The following ELL2 variants were observed in gnomAD, a reference collection of about 807,000 sequenced individuals.
ELL2 encodes the protein RNA polymerase II elongation factor ELL2.
ELL2 carries 21 observed loss-of-function variants against 72.8 expected under a neutral mutation model. That is an observed-to-expected ratio of 0.29 (90% CI 0.20 to 0.42). ELL2 has a LOEUF of 0.42. Ranked by LOEUF, ELL2 falls within the 10% of genes least tolerant of loss-of-function variation. ELL2 has a pLI of 1.00. For synonymous variants in ELL2, 266 were observed against 283.2 expected (o/e 0.94, Z 0.61); for missense variants, 568 against 772.8 (o/e 0.73, Z 3.14).
chr5:95,939,350 C>T (rs992389716), intron 2 of ELL2, among the ~76,000 whole-genome samples: 5 of 135,924 alleles, frequency 3.7e-5, no homozygotes, highest in Admixed American at 3.5e-4. Flanking sequence ...GAGGGTGGAG[C>T]CCATGCCATG....
chr5:95,953,972 A>T (rs900519573), intron 1 of ELL2, among the ~76,000 whole-genome samples: 2 of 152,226 alleles, frequency 1.3e-5, no homozygotes, highest in African/African-American at 4.8e-5. Context: ...TATAGACGTT[A>T]TTCAATAAAG....
At position 95,920,148 on chromosome 5, in the gene ELL2, C is replaced by T. The variant is rs142958979; in HGVS notation, c.196-603G>A. ...ATGCCATTATACATCCTCATGTTTA[C>T]AGAAACAGGGTCTGCAGCCTACAGA... On this transcript the variant is annotated intron_variant, in intron 2 of 11. Transcript: ENST00000237853. Among the ~76,000 whole-genome samples, 9 of 152,220 alleles carry T rather than the reference C, an allele frequency of 5.9e-5. 1 individual carries two copies. Among genetic ancestry groups the T allele is most frequent in the African/African-American group, 1.4e-4 (6 of 41,556 alleles).
intron 4 of ELL2, among the ~76,000 whole-genome samples, chr5:95,909,029 T>C (rs1421278703): frequency 2.0e-5 from 3 of 152,198 alleles, no homozygotes; most frequent in African/African-American, 7.2e-5. Context: ...CCCTACCTCC[T>C]CTGTACCTCT....
At chr5:95,944,523 C>T (rs1561512422) in intron 1 of ELL2, among the ~76,000 whole-genome samples, 1 of 152,164 alleles carries the variant, frequency 6.6e-6, no homozygotes, top group African/African-American at 2.4e-5. Context: ...AATTCATGGT[C>T]TTTTATGAAA....
intron 4 of ELL2, among the ~76,000 whole-genome samples, chr5:95,909,023 A>G (rs954579496): frequency 2.6e-5 from 4 of 152,118 alleles, no homozygotes; most frequent in Non-Finnish European, 5.9e-5. Flanking sequence ...CAGGTGCCCT[A>G]CCTCCTCTGT....
chr5:95,960,331 C>T (rs1751778481), intron 1 of ELL2, among the ~76,000 whole-genome samples: 1 of 151,922 alleles, frequency 6.6e-6, no homozygotes, highest in Non-Finnish European at 1.5e-5. Context: ...CGCGATGTAT[C>T]CACTCCGGTC....
rs1481292425 is a variant in ELL2, at chr5:95,887,116, G to A, written c.*1755C>T. On this transcript the variant is annotated 3_prime_UTR_variant, in exon 12 of 12. Transcript: ENST00000237853. The stretch of plus-strand genomic sequence containing the variant: ...TCTGAGGTAAAAAAAGAGCACCAGG[G>A]ATCTCAATGCTAAAAGAAACAGAAT... The A allele has an allele frequency of 6.6e-6, 1 of 152,076 alleles. No homozygotes were observed. Among genetic ancestry groups the A allele is most frequent in the Admixed American group, 6.6e-5 (1 of 15,252 alleles). The allele number at this position is 152,076 out of a possible 1,614,324, so 9.4% of individuals were successfully genotyped here.
intron 4 of ELL2, among the ~76,000 whole-genome samples, chr5:95,912,696 G>A (rs527441303): frequency 4.6e-5 from 7 of 152,282 alleles, no homozygotes; most frequent in African/African-American, 1.7e-4. Flanking sequence ...CTGGGGAGGG[G>A]ATGAATTGTT....
At chr5:95,889,252 C>T in intron 10 of ELL2, 122 bp from the exon 11 acceptor site, 2 of 807,702 alleles carry the variant, frequency 2.5e-6, no homozygotes, top group South Asian at 3.6e-5. Context: ...TAACTTGAAA[C>T]AATCTTTATG....
rs1244847847 is a variant in ELL2 at position 95,895,661 on chromosome 5, T to C, written c.1556A>G (p.Glu519Gly). ...ATCTGGGAGTTCAATTGCTGAAGGTTCCATGGAGGCAGTGCAATCCTCTTT... is the reference window on the plus strand; with the variant it reads ...ATCTGGGAGTTCAATTGCTGAAGGTCCCATGGAGGCAGTGCAATCCTCTTT... ...GVKEDCTASM[E>G]PSAIELPDYL... The change falls in exon 9 of 12, where the codon GAA becomes GGA. Residue 519 changes from glutamate to glycine, a missense_variant. Physicochemically the swap from Glu to Gly is moderately conservative, Grantham distance 98. Coordinates refer to ENST00000237853, the MANE Select transcript of ELL2 (RefSeq NM_012081.6). 1 of 1,614,086 alleles carries C rather than the reference T, an allele frequency of 6.2e-7. No homozygotes were observed. The highest frequency in any genetic ancestry group is 1.3e-5 in the African/African-American group (1 of 75,028).
chr5:95,951,380 A>AAAATAAAT (rs566594776), intron 1 of ELL2, among the ~76,000 whole-genome samples: 5 of 151,324 alleles, frequency 3.3e-5, no homozygotes, highest in Admixed American at 6.6e-5. Flanking sequence ...AAAATAAAAT[A>AAAATAAAT]AAATAAATAA....
chr5:95,918,660 CA>C (rs1258939730), intron 3 of ELL2, among the ~76,000 whole-genome samples: 1 of 152,086 alleles, frequency 6.6e-6, no homozygotes, highest in Non-Finnish European at 1.5e-5. Flanking sequence ...GGGCTAATGT[CA>C]AAGCCTTACA....
chr5:95,893,606 C>T (rs1272485430), intron 9 of ELL2, among the ~76,000 whole-genome samples: 2 of 152,092 alleles, frequency 1.3e-5, no homozygotes, highest in South Asian at 2.1e-4. Context: ...AGGATGGTCT[C>T]GATCTCCTGA....
In ELL2 at chr5:95,950,764, G is replaced by A. The variant is rs369662329; in HGVS notation, c.148-7715C>T. On this transcript the variant is annotated intron_variant, in intron 1 of 11. Coordinates refer to ENST00000237853, the MANE Select transcript of ELL2 (RefSeq NM_012081.6). The stretch of plus-strand genomic sequence containing the variant: ...AATTTCTTTCTAGCCACTACAGCAT[G>A]GAAAGAGTGAAATATAAGGGATTAT... Among the ~76,000 whole-genome samples the A allele has an allele frequency of 1.3e-4, 20 of 151,234 alleles. No individual in the cohort carries two copies. The East Asian group carries it at 2.9e-3, about 22-fold the overall frequency.
chr5:95,896,133 C>T (rs1748867484), intron 8 of ELL2, among the ~76,000 whole-genome samples: 1 of 152,222 alleles, frequency 6.6e-6, no homozygotes, highest in African/African-American at 2.4e-5. Context: ...GCTTTGGTCA[C>T]TGTATTTTTA....
chr5:95,902,460 C>T (rs1749179733), intron 5 of ELL2, among the ~76,000 whole-genome samples: 1 of 152,206 alleles, frequency 6.6e-6, no homozygotes, highest in Admixed American at 6.5e-5. Flanking sequence ...TAACTAACTA[C>T]ACAAACATAC....
In ELL2 at chr5:95,898,481, T is replaced by C; in HGVS notation, c.1284A>G (p.Lys428=). 6.2e-7 allele frequency: 1 copy of C among 1,614,066 alleles called. No individual in the cohort carries two copies. The highest frequency in any genetic ancestry group is 8.5e-7 in the Non-Finnish European group (1 of 1,179,994). ...NDSIYEDQQD[K]YTSRTSLETL... is the part of the protein sequence containing the mutation. ...TTTCCAGAGAAGTCCTAGAGGTATA[T>C]TTGTCTTGCTGGTCCTCATAGATAC... The change falls in exon 8 of 12, where the codon AAA becomes AAG. Residue 428 remains lysine (K), a synonymous_variant. Coordinates refer to ENST00000237853, the MANE Select transcript of ELL2 (RefSeq NM_012081.6).
At chr5:95,917,721 C>T (rs1749872521) in intron 3 of ELL2, among the ~76,000 whole-genome samples, 1 of 151,254 alleles carries the variant, frequency 6.6e-6, no homozygotes, top group African/African-American at 2.4e-5. Context: ...TCTCTTACTG[C>T]ATCATACATA....
Position 95,943,049 on chromosome 5 carries a change from T to G in ELL2, c.148A>C (p.Asn50His). ...RALETYQSHKNLIPFRPSIQF... is the reference protein window; with the variant it reads ...RALETYQSHKHLIPFRPSIQF... ...ATTGAAGGTCGAAAAGGAATTAAAT[T>G]CTATTAAAAGAAACAAAAGAAACAA... is the stretch of plus-strand genomic sequence containing the variant. The change falls in exon 2 of 12, where the codon AAT (asparagine) becomes CAT (histidine). Residue 50 changes from asparagine to histidine, a missense_variant and splice_region_variant. Transcript: ENST00000237853. 1 of 1,601,120 alleles carries G rather than the reference T, an allele frequency of 6.2e-7. No homozygotes were observed. Among genetic ancestry groups the G allele is most frequent in the Non-Finnish European group, 8.5e-7 (1 of 1,173,592 alleles).
Sources: allele counts gnomAD v4.1 joint callset (sites outside exome capture counted in the v4.1 genomes callset), GRCh38; gene constraint gnomAD v4.1.1; transcripts MANE v1.5; gene names NCBI Gene and HGNC (gene_info 2026-07-23, HGNC 2026-07-21).